The following TOM1L2 variants were observed in gnomAD, a reference collection of about 807,000 sequenced individuals.
The protein encoded by TOM1L2 is TOM1-like protein 2.
TOM1L2 carries 31 observed loss-of-function variants against 67.9 expected under a neutral mutation model. The observed-to-expected ratio is 0.46, with a 90% confidence interval of 0.34 to 0.62. The LOEUF (loss-of-function observed/expected upper bound fraction) is 0.62. Among genes scored for constraint, TOM1L2 ranks in the 20% least tolerant of loss-of-function variants. The pLI is 0.01. For missense variants in TOM1L2, 606 were observed against 663.5 expected, an observed-to-expected ratio of 0.91 and a Z score of 0.95; for synonymous variants, 256 against 254.0, an observed-to-expected ratio of 1.01 and a Z score of -0.07.
chr17:17,957,810 A>C (rs900375823), intron 1 of TOM1L2, among the ~76,000 whole-genome samples: 1 of 152,094 alleles, frequency 6.6e-6, no homozygotes, highest in Non-Finnish European at 1.5e-5. Context: ...GTAAGTCTTA[A>C]GAAAAACTAG....
chr17:17,856,417 C>A (rs558756828), intron 12 of TOM1L2, among the ~76,000 whole-genome samples: 1 of 152,274 alleles, frequency 6.6e-6, no homozygotes, highest in Non-Finnish European at 1.5e-5. Flanking sequence ...AGGCTGACAG[C>A]AGAGCTGTGC....
chr17:17,916,123 G>C (rs1249322044), intron 1 of TOM1L2, among the ~76,000 whole-genome samples: 4 of 150,140 alleles, frequency 2.7e-5, no homozygotes, highest in African/African-American at 9.8e-5. Flanking sequence ...ACCCAGGCTG[G>C]AGTGCAGTGG....
intron 13 of TOM1L2, among the ~76,000 whole-genome samples, chr17:17,849,407 T>C (rs995874231): frequency 2.0e-5 from 3 of 152,210 alleles, no homozygotes; most frequent in African/African-American, 7.2e-5. Flanking sequence ...AGTAGGTACT[T>C]TGGGAGTGGA....
intron 1 of TOM1L2, among the ~76,000 whole-genome samples, chr17:17,964,836 C>T (rs1012393805): frequency 3.3e-5 from 5 of 152,196 alleles, no homozygotes; most frequent in Non-Finnish European, 4.4e-5. Flanking sequence ...TGGCATTCCT[C>T]TAGAAAAGCC....
intron 6 of TOM1L2, among the ~76,000 whole-genome samples, chr17:17,879,984 C>T (rs184511473): frequency 1.2e-3 from 185 of 152,254 alleles, no homozygotes; most frequent in African/African-American, 4.3e-3. Context: ...GACTGTGACA[C>T]GAAAGCAGTA....
chr17:17,863,728 T>C (rs1442278603), intron 10 of TOM1L2, among the ~76,000 whole-genome samples: 1 of 152,032 alleles, frequency 6.6e-6, no homozygotes, highest in African/African-American at 2.4e-5. Context: ...TAAAATTATT[T>C]TGTAGAGACA....
At chr17:17,907,040 C>T (rs2039130737) in intron 2 of TOM1L2, among the ~76,000 whole-genome samples, 1 of 152,260 alleles carries the variant, frequency 6.6e-6, no homozygotes, top group South Asian at 2.1e-4. Flanking sequence ...GGACCTCCCT[C>T]CATGGACACG....
chr17:17,856,257 G>A (rs1163692616), intron 12 of TOM1L2, among the ~76,000 whole-genome samples: 2 of 152,250 alleles, frequency 1.3e-5, no homozygotes, highest in Non-Finnish European at 2.9e-5. Flanking sequence ...TGACATGTGG[G>A]CCAGAGGCCA....
In TOM1L2 at chr17:17,847,523, A is replaced by G. The variant is rs377155114; in HGVS notation, c.*112T>C. The G allele has an allele frequency of 1.4e-6, 2 of 1,402,724 alleles. No individual in the cohort carries two copies. The highest frequency in any genetic ancestry group is 1.9e-6 in the Non-Finnish European group (2 of 1,048,102). 86.9% of individuals were successfully genotyped at this position (1,402,724 alleles called of 1,614,324 possible). A position where few individuals can be genotyped will look rare whatever the true frequency, so the allele number is the denominator to read the frequency against. ...AGCAGACACGGTGGCATTTCCATGGAAACACAGGTGTGCAGGCCGTGTGGA... is the reference window on the plus strand; with the variant it reads ...AGCAGACACGGTGGCATTTCCATGGGAACACAGGTGTGCAGGCCGTGTGGA... On this transcript the variant is annotated 3_prime_UTR_variant, in exon 15 of 15. Transcript: ENST00000379504.
intron 7 of TOM1L2, among the ~76,000 whole-genome samples, chr17:17,876,970 G>A (rs2037456686): frequency 1.3e-5 from 2 of 152,240 alleles, no homozygotes; most frequent in South Asian, 2.1e-4. Context: ...TCAGAGAGTG[G>A]AGGATTTGAC....
intron 12 of TOM1L2, chr17:17,851,351 A>G (rs917712028): frequency 3.3e-6 from 1 of 304,592 alleles, no homozygotes; most frequent in Admixed American, 4.7e-5. Flanking sequence ...CCACTATGAC[A>G]GTCCGCTGTC....
intron 2 of TOM1L2, among the ~76,000 whole-genome samples, chr17:17,902,140 C>T (rs1421616227): frequency 6.6e-6 from 1 of 152,168 alleles, no homozygotes; most frequent in African/African-American, 2.4e-5. Flanking sequence ...CACACCATTG[C>T]ACTCCAGCCT....
At chr17:17,954,368 AATGGTGCAATCTTGGCTCACTGCAACCTC>A (rs2041340808) in intron 1 of TOM1L2, among the ~76,000 whole-genome samples, 2 of 147,934 alleles carry the variant, frequency 1.4e-5, no homozygotes. Context: ...GCTAGAGTGC[AATGGTGCAATCTTGGCTCACTGCAACCTC>A]AGCCTCCCAG....
At chr17:17,867,514 G>A (rs533559924) in intron 8 of TOM1L2, among the ~76,000 whole-genome samples, 14 of 152,336 alleles carry the variant, frequency 9.2e-5, no homozygotes, top group African/African-American at 3.4e-4. Context: ...AGTGCAGGGG[G>A]AGTTGGCTTT....
At chr17:17,881,881 C>T (rs1156331362) in intron 6 of TOM1L2, among the ~76,000 whole-genome samples, 1 of 152,206 alleles carries the variant, frequency 6.6e-6, no homozygotes, top group Non-Finnish European at 1.5e-5. Flanking sequence ...TTGCTTGACC[C>T]CTCTGCTTCA....
At chr17:17,866,076 T>C (rs1442700418) in intron 10 of TOM1L2, among the ~76,000 whole-genome samples, 2 of 152,074 alleles carry the variant, frequency 1.3e-5, no homozygotes, top group Admixed American at 6.6e-5. Context: ...ATTTCCCCCA[T>C]CCCTGCTTTC....
intron 12 of TOM1L2, 47 bp from the exon 13 acceptor site, chr17:17,850,999 C>A (rs188818770): frequency 6.3e-7 from 1 of 1,599,938 alleles, no homozygotes; most frequent in East Asian, 2.2e-5. Context: ...ACACAGCCAG[C>A]GAGGGGAGAC....
At chr17:17,899,855 T>C (rs2038759088) in intron 2 of TOM1L2, among the ~76,000 whole-genome samples, 1 of 152,198 alleles carries the variant, frequency 6.6e-6, no homozygotes, top group Admixed American at 6.5e-5. Context: ...AAAGGCCCCT[T>C]CAAATGTGTA....
chr17:17,959,626 G>A (rs1007137151), intron 1 of TOM1L2, among the ~76,000 whole-genome samples: 2 of 152,152 alleles, frequency 1.3e-5, no homozygotes, highest in African/African-American at 2.4e-5. Flanking sequence ...TTCCTATTTC[G>A]ACTAATGACG....
Sources: gnomAD v4.1 joint callset for allele counts (sites outside exome capture counted in the v4.1 genomes callset) on GRCh38, gnomAD v4.1.1 for gene constraint, MANE v1.5 for transcripts, NCBI Gene and HGNC (gene_info 2026-07-23, HGNC 2026-07-21) for gene names.